The following PARL variants were observed in gnomAD, a reference collection of about 807,000 sequenced individuals.
PARL encodes presenilin associated rhomboid like.
In PARL, 44 loss-of-function variants were observed where a neutral mutation model predicts 51.6. The ratio of observed to expected loss-of-function variants is 0.85; its 90% confidence interval spans 0.67 to 1.10. The LOEUF is 1.10. Among genes scored for constraint, PARL ranks in the 50% least tolerant of loss-of-function variants. The probability of loss-of-function intolerance (pLI) is 0.00; values close to 1 mark genes in which losing one functional copy is unlikely to be tolerated. For synonymous variants in PARL, 172 were observed against 164.0 expected (o/e 1.05, Z -0.37); for missense variants, 441 against 469.5 (o/e 0.94, Z 0.56).
chr3:183,861,753 T>C (rs1017686055), intron 4 of PARL, among the ~76,000 whole-genome samples: 2 of 152,204 alleles, frequency 1.3e-5, no homozygotes, highest in Non-Finnish European at 2.9e-5. Flanking sequence ...AATTTTTTCT[T>C]TTCTATGCAA....
At chr3:183,866,865 C>A in intron 2 of PARL, 100 bp from the exon 3 acceptor site, 1 of 885,374 alleles carries the variant, frequency 1.1e-6, no homozygotes, top group Non-Finnish European at 1.8e-6. Context: ...TTTTTACAAA[C>A]CAACAGAAGG....
In PARL at chr3:183,844,143, C is replaced by T. The variant is rs952803667; in HGVS notation, c.607+88G>A. 16 of 917,706 alleles carry T rather than the reference C, an allele frequency of 1.7e-5. No individual in the cohort carries two copies. The East Asian group carries it at 2.9e-4, about 17-fold the overall frequency. The allele number at this position is 917,706 out of a possible 1,614,324, so 56.8% of individuals were successfully genotyped here. ...TGCTTGTAGCTATTGATAGGTAATTCGTCTTTTTTACAGCACTTCCATTAA... is the reference window on the plus strand; with the variant it reads ...TGCTTGTAGCTATTGATAGGTAATTTGTCTTTTTTACAGCACTTCCATTAA... On this transcript the variant is annotated intron_variant, in intron 5 of 9. Transcript: ENST00000317096.
chr3:183,868,660 T>C (rs973597389), intron 1 of PARL, among the ~76,000 whole-genome samples: 3 of 152,214 alleles, frequency 2.0e-5, no homozygotes, highest in Non-Finnish European at 4.4e-5. Context: ...CCTCCTGCCA[T>C]GGCTTCCCAA....
chr3:183,876,507 G>C (rs976235626), intron 1 of PARL, among the ~76,000 whole-genome samples: 2 of 149,680 alleles, frequency 1.3e-5, no homozygotes, highest in East Asian at 2.0e-4. Context: ...CTAACACAAT[G>C]TCCATTCTGC....
intron 4 of PARL, among the ~76,000 whole-genome samples, chr3:183,860,379 A>C (rs957160017): frequency 6.6e-6 from 1 of 152,256 alleles, no homozygotes; most frequent in African/African-American, 2.4e-5. Context: ...GAAAAGTCTG[A>C]GGTGACACAA....
intron 4 of PARL, among the ~76,000 whole-genome samples, chr3:183,859,073 G>T (rs1364523301): frequency 6.6e-6 from 1 of 152,186 alleles, no homozygotes. Flanking sequence ...TTGGGAGGCC[G>T]AGGCGGTGGA....
chr3:183,862,136 T>G (rs1446442363), intron 4 of PARL, among the ~76,000 whole-genome samples: 1 of 152,202 alleles, frequency 6.6e-6, no homozygotes, highest in Non-Finnish European at 1.5e-5. Context: ...GGTGTTAACT[T>G]GAAGAGCCAA....
chr3:183,836,849 C>A (rs1416683024), intron 7 of PARL, among the ~76,000 whole-genome samples: 1 of 152,176 alleles, frequency 6.6e-6, no homozygotes, highest in African/African-American at 2.4e-5. Flanking sequence ...AGTTAATTCT[C>A]ACACCTCAGC....
chr3:183,881,019 T>C (rs1734375241), intron 1 of PARL, among the ~76,000 whole-genome samples: 1 of 151,972 alleles, frequency 6.6e-6, no homozygotes, highest in African/African-American at 2.4e-5. Context: ...TCTCCCTATA[T>C]TGCCCAGGCT....
At chr3:183,826,643 C>T (rs139265461), downstream of PARL, 11 of 985,388 alleles carry the variant, frequency 1.1e-5, no homozygotes, top group East Asian at 1.1e-4. Context: ...AGTGACATGA[C>T]GGCTGCCTAG....
Position 183,884,744 on chromosome 3 carries a change from GGGTT to G in PARL, c.99_102del (p.Thr34ArgfsTer45). The G allele has an allele frequency of 6.3e-7, 1 of 1,582,574 alleles. No homozygotes were observed. The highest frequency in any genetic ancestry group is 8.6e-7 in the Non-Finnish European group (1 of 1,167,246). On this transcript the variant is annotated frameshift_variant, in exon 1 of 10. Transcript: ENST00000317096. LOFTEE classifies it high-confidence loss of function. ...TACCTGCGTCCGAGGAGCTGCGGCG[GGGTT>G]AGGACCGCAGTGAGCTCCTCGCAGC...
intron 4 of PARL, among the ~76,000 whole-genome samples, chr3:183,855,980 A>C (rs866766397): frequency 2.0e-5 from 3 of 151,526 alleles, no homozygotes; most frequent in Non-Finnish European, 2.9e-5. Context: ...ACAAAAAAAA[A>C]AACAAAAAAA....
rs1728222077 is a variant in PARL, at chr3:183,833,724, A to G, written c.930T>C (p.Asn310=). ...FLPMFTFTAG[N]ALKAIIAMDT... ...CACTGCACTTCATAAAAATACTTAC[A>G]TTCCCTGCTGTGAACGTGAACATCG... Residue 310 remains asparagine, a splice_region_variant and synonymous_variant, in exon 8 of 10, where the codon AAT becomes AAC. Transcript: ENST00000317096. 2 of 1,593,460 alleles carry G rather than the reference A, an allele frequency of 1.3e-6. No homozygotes were observed. Among genetic ancestry groups the G allele is most frequent in the East Asian group, 4.5e-5 (2 of 44,774 alleles).
intron 7 of PARL, among the ~76,000 whole-genome samples, chr3:183,836,338 C>T (rs891777926): frequency 7.3e-5 from 11 of 150,672 alleles, no homozygotes; most frequent in African/African-American, 2.0e-4. Context: ...TTCCATGGAA[C>T]GCTGGTTTTT....
chr3:183,848,997 AAGAAATAGCAATT>A (rs1382446689), intron 4 of PARL, among the ~76,000 whole-genome samples: 1 of 152,240 alleles, frequency 6.6e-6, no homozygotes, highest in East Asian at 1.9e-4. Flanking sequence ...TCAATCCATC[AAGAAATAGCAATT>A]AGAAACATAT....
intron 5 of PARL, 59 bp from the exon 6 acceptor site, chr3:183,842,506 C>A: frequency 6.5e-7 from 1 of 1,538,016 alleles, no homozygotes; most frequent in Non-Finnish European, 9.0e-7. Flanking sequence ...TAAAAATTAT[C>A]CATTTTAAAC....
At chr3:183,839,408 T>G (rs1190183410) in intron 7 of PARL, among the ~76,000 whole-genome samples, 1 of 152,186 alleles carries the variant, frequency 6.6e-6, no homozygotes, top group South Asian at 2.1e-4. Context: ...AAAAAAATTT[T>G]TTTTCTTTGA....
intron 1 of PARL, among the ~76,000 whole-genome samples, chr3:183,872,190 C>T (rs955314089): frequency 3.3e-5 from 5 of 151,978 alleles, no homozygotes; most frequent in African/African-American, 1.2e-4. Flanking sequence ...TTAGTAGAGA[C>T]GAGGTTTTAC....
Position 183,844,477 on chromosome 3 carries a change from T to C in PARL, c.512-151A>G, listed in dbSNP as rs1729721760. On this transcript the variant is annotated intron_variant, in intron 4 of 9. Transcript: ENST00000317096. ...GTGAGCCAAAAAAAAGCAAGTGAAA[T>C]GAATGCTTTTAAAGTATCAGCACTG... 6 of 642,304 alleles carry C rather than the reference T, an allele frequency of 9.3e-6. No individual in the cohort carries two copies. In the South Asian group the frequency reaches 1.1e-4, roughly 12 times the overall value. The allele number at this position is 642,304 out of a possible 1,614,324, so 39.8% of individuals were successfully genotyped here.
Sources: gnomAD v4.1 joint callset for allele counts (sites outside exome capture counted in the v4.1 genomes callset) on GRCh38, gnomAD v4.1.1 for gene constraint, MANE v1.5 for transcripts, NCBI Gene and HGNC (gene_info 2026-07-23, HGNC 2026-07-21) for gene names.